Variants in DTNBP1 observed in about 807,000 individuals in gnomAD.
DTNBP1 encodes dysbindin.
In DTNBP1, 35 loss-of-function variants were observed where a neutral mutation model predicts 42.8. That is an observed-to-expected ratio of 0.82 (90% CI 0.63 to 1.09). The LOEUF is 1.09. DTNBP1 is among the 50% of genes least tolerant of loss of function. DTNBP1 has a pLI of 0.00. For synonymous variants in DTNBP1, 171 were observed against 162.2 expected, an observed-to-expected ratio of 1.05 and a Z score of -0.41; for missense variants, 457 against 424.2, an observed-to-expected ratio of 1.08 and a Z score of -0.68.
intron 7 of DTNBP1, among the ~76,000 whole-genome samples, chr6:15,574,157 A>G (rs1165443476): frequency 1.3e-5 from 2 of 152,224 alleles, no homozygotes; most frequent in Non-Finnish European, 2.9e-5. Flanking sequence ...AAAAACACAA[A>G]GAGTTACAAG....
intron 7 of DTNBP1, among the ~76,000 whole-genome samples, chr6:15,541,824 A>G (rs891251510): frequency 2.6e-5 from 4 of 152,198 alleles, no homozygotes; most frequent in Non-Finnish European, 4.4e-5. Context: ...AACCAAGTTC[A>G]TTTCAGGAAC....
intron 7 of DTNBP1, among the ~76,000 whole-genome samples, chr6:15,576,173 C>A (rs1158968717): frequency 6.6e-6 from 1 of 151,798 alleles, no homozygotes. Flanking sequence ...GGCTGGAGTG[C>A]AGTGGCACTA....
chr6:15,533,530 T>C, intron 7 of DTNBP1, 135 bp from the exon 8 acceptor site: 3 of 1,432,670 alleles, frequency 2.1e-6, no homozygotes, highest in South Asian at 2.3e-5. Context: ...GTGCCCCGAC[T>C]GCGTGTACAG....
intron 7 of DTNBP1, among the ~76,000 whole-genome samples, chr6:15,537,255 G>GC (rs369147444): frequency 6.6e-6 from 1 of 151,186 alleles, no homozygotes; most frequent in African/African-American, 2.4e-5. Flanking sequence ...TGTATTTTTT[G>GC]TAAAAATACA....
intron 6 of DTNBP1, among the ~76,000 whole-genome samples, chr6:15,597,928 AGTTT>A (rs1776579016): frequency 6.6e-6 from 1 of 152,236 alleles, no homozygotes; most frequent in South Asian, 2.1e-4. Context: ...CTAAAAATTG[AGTTT>A]ATTTCCATAG....
intron 4 of DTNBP1, 62 bp from the exon 5 acceptor site, chr6:15,627,537 T>G: frequency 6.2e-7 from 1 of 1,606,270 alleles, no homozygotes; most frequent in South Asian, 1.1e-5. Flanking sequence ...AAAGTACAGT[T>G]AACGTAATGA....
intron 1 of DTNBP1, among the ~76,000 whole-genome samples, chr6:15,659,329 C>T (rs770834540): frequency 1.3e-5 from 2 of 152,212 alleles, no homozygotes; most frequent in Non-Finnish European, 2.9e-5. Context: ...GCTGCACTGG[C>T]TGCACTGAAG....
intron 7 of DTNBP1, among the ~76,000 whole-genome samples, chr6:15,534,377 C>T (rs570313806): frequency 1.9e-3 from 292 of 152,228 alleles, no homozygotes; most frequent in African/African-American, 6.7e-3. Flanking sequence ...CAGGGCCGGG[C>T]GCGGTGGCTC....
At chr6:15,532,482 C>G (rs1434701087) in intron 8 of DTNBP1, among the ~76,000 whole-genome samples, 1 of 151,800 alleles carries the variant, frequency 6.6e-6, no homozygotes, top group Non-Finnish European at 1.5e-5. Context: ...GCGGAAAGAG[C>G]CCTATGTAAC....
chr6:15,623,671 G>T (rs1040274841), intron 5 of DTNBP1, among the ~76,000 whole-genome samples: 1 of 152,094 alleles, frequency 6.6e-6, no homozygotes, highest in Non-Finnish European at 1.5e-5. Context: ...CAAAGACAAG[G>T]CTTTAACATT....
At chr6:15,601,578 A>T (rs968088168) in intron 6 of DTNBP1, among the ~76,000 whole-genome samples, 1 of 152,034 alleles carries the variant, frequency 6.6e-6, no homozygotes, top group African/African-American at 2.4e-5. Flanking sequence ...CACTTCTCTG[A>T]TATCAGTTAT....
At chr6:15,662,684 GGGGCGGGGCGGGGAGGTGC>G (rs1761718480) in intron 1 of DTNBP1, 111 bp downstream of exon 1, 2 of 1,273,224 alleles carry the variant, frequency 1.6e-6, no homozygotes, top group African/African-American at 3.1e-5. Flanking sequence ...TTTCCTCGGC[GGGGCGGGGCGGGGAGGTGC>G]GGGACAGGAC....
chr6:15,610,123 T>C (rs1758311449), intron 6 of DTNBP1, among the ~76,000 whole-genome samples: 1 of 152,220 alleles, frequency 6.6e-6, no homozygotes. Flanking sequence ...TCAGGTGAAA[T>C]TCCACATTGC....
chr6:15,580,608 T>C (rs528794229), intron 7 of DTNBP1, among the ~76,000 whole-genome samples: 81 of 152,324 alleles, frequency 5.3e-4, no homozygotes, highest in African/African-American at 1.8e-3. Flanking sequence ...TATTCCAATT[T>C]TGGATGATAT....
intron 1 of DTNBP1, among the ~76,000 whole-genome samples, chr6:15,654,982 T>A (rs36212519): frequency 0.026 from 3,961 of 152,298 alleles, 80 homozygotes; most frequent in South Asian, 0.052. Context: ...ACAGGTATAG[T>A]AGGCAAGTCT....
intron 7 of DTNBP1, among the ~76,000 whole-genome samples, chr6:15,581,944 T>A (rs561974974): frequency 6.6e-6 from 1 of 152,238 alleles, no homozygotes; most frequent in East Asian, 1.9e-4. Flanking sequence ...TCAACCCACA[T>A]CTCAAATTCA....
chr6:15,598,931 G>C (rs73371559), intron 6 of DTNBP1, among the ~76,000 whole-genome samples: 1 of 151,750 alleles, frequency 6.6e-6, no homozygotes, highest in African/African-American at 2.4e-5. Flanking sequence ...TATCTATTTT[G>C]GGCAAATACA....
chr6:15,523,718 C>T, intron 9 of DTNBP1: 5 of 1,287,214 alleles, frequency 3.9e-6, no homozygotes, highest in Non-Finnish European at 5.1e-6. Context: ...CTAAATCTTC[C>T]CCTGACTCTG....
At chr6:15,593,269 A>G (rs904995122) in intron 6 of DTNBP1, among the ~76,000 whole-genome samples, 188 bp from the exon 7 acceptor site, 1 of 152,252 alleles carries the variant, frequency 6.6e-6, no homozygotes, top group Non-Finnish European at 1.5e-5. Flanking sequence ...ATTTTCAGTT[A>G]TTTCTGCTAT....
Sources: allele counts gnomAD v4.1 joint callset (sites outside exome capture counted in the v4.1 genomes callset), GRCh38; gene constraint gnomAD v4.1.1; transcripts MANE v1.5; gene names NCBI Gene and HGNC (gene_info 2026-07-23, HGNC 2026-07-21).